SMYD3: variants seen among roughly 807,000 people sequenced by gnomAD.
SMYD3 encodes SET and MYND domain containing 3.
In SMYD3, 36 loss-of-function variants were observed where a neutral mutation model predicts 57.7. That is an observed-to-expected ratio of 0.62 (90% CI 0.48 to 0.82). The LOEUF is 0.82. SMYD3 is among the 40% of genes least tolerant of loss of function. The pLI, the probability that SMYD3 is intolerant of heterozygous loss-of-function variation, is 0.00. For synonymous variants in SMYD3, 211 were observed against 195.0 expected, an observed-to-expected ratio of 1.08 and a Z score of -0.68; for missense variants, 515 against 538.8, an observed-to-expected ratio of 0.96 and a Z score of 0.44.
chr1:245,983,690 C>T (rs1394941926), intron 5 of SMYD3, among the ~76,000 whole-genome samples: 1 of 152,146 alleles, frequency 6.6e-6, no homozygotes, highest in Non-Finnish European at 1.5e-5. Context: ...CAGCCATCTC[C>T]TGAAAGTATC....
chr1:245,925,907 T>C (rs542170698), intron 7 of SMYD3, among the ~76,000 whole-genome samples: 3 of 152,250 alleles, frequency 2.0e-5, no homozygotes, highest in South Asian at 2.1e-4. Flanking sequence ...AGAGATGTGA[T>C]TGAAAGGGTA....
chr1:246,192,139 C>T (rs1291191419), intron 5 of SMYD3, among the ~76,000 whole-genome samples: 2 of 152,140 alleles, frequency 1.3e-5, no homozygotes, highest in African/African-American at 4.8e-5. Flanking sequence ...CACTCTGTCA[C>T]CCAGGCTGGA....
chr1:246,398,847 G>A (rs1428945054), intron 1 of SMYD3, among the ~76,000 whole-genome samples: 1 of 152,092 alleles, frequency 6.6e-6, no homozygotes, highest in Non-Finnish European at 1.5e-5. Flanking sequence ...TCTGACAAGA[G>A]CTATATAAAA....
intron 5 of SMYD3, among the ~76,000 whole-genome samples, chr1:246,227,933 A>C (rs183981029): frequency 1.3e-5 from 2 of 149,418 alleles, no homozygotes; most frequent in Non-Finnish European, 1.5e-5. Flanking sequence ...TTTACCTAAC[A>C]CCACATTTCC....
chr1:246,294,391 AG>A (rs1324729362), intron 5 of SMYD3, among the ~76,000 whole-genome samples: 2 of 152,174 alleles, frequency 1.3e-5, no homozygotes, highest in Non-Finnish European at 2.9e-5. Flanking sequence ...AGTCTTACTG[AG>A]GGCTGACTAC....
chr1:246,104,483 A>G (rs1321356899), intron 5 of SMYD3, among the ~76,000 whole-genome samples: 2 of 152,230 alleles, frequency 1.3e-5, no homozygotes, highest in Non-Finnish European at 2.9e-5. Context: ...CGGCTGATCC[A>G]TCAAAATGCA....
chr1:245,864,135 A>C (rs1311423270), intron 8 of SMYD3, among the ~76,000 whole-genome samples: 2 of 152,210 alleles, frequency 1.3e-5, no homozygotes, highest in Non-Finnish European at 2.9e-5. Context: ...GGAAACCCTC[A>C]TACACTGCAC....
At chr1:245,786,562 C>T (rs898870866) in intron 10 of SMYD3, among the ~76,000 whole-genome samples, 8 of 152,030 alleles carry the variant, frequency 5.3e-5, no homozygotes, top group Non-Finnish European at 8.8e-5. Flanking sequence ...CAGTCATGTA[C>T]GTTGTTAACT....
At chr1:245,931,899 G>A (rs2056745864) in intron 5 of SMYD3, among the ~76,000 whole-genome samples, 2 of 152,084 alleles carry the variant, frequency 1.3e-5, no homozygotes, top group African/African-American at 4.8e-5. Context: ...TTCAAATCAG[G>A]AGCAAAATTA....
chr1:245,799,613 C>T (rs1327248487), intron 10 of SMYD3, among the ~76,000 whole-genome samples: 7 of 152,152 alleles, frequency 4.6e-5, no homozygotes, highest in African/African-American at 7.2e-5. Flanking sequence ...TAAAGTGTAA[C>T]GAATGTTAGT....
Position 245,860,536 on chromosome 1 carries a change from A to C in SMYD3, c.902-1866T>G, listed in dbSNP as rs544465491. Among the ~76,000 whole-genome samples the C allele has an allele frequency of 3.9e-5, 6 of 152,312 alleles. No individual in the cohort carries two copies. In the South Asian group the frequency reaches 1.2e-3, roughly 32 times the overall value. ...TCCAAAAGATGAGTTCCTTGATGAG[A>C]ATTTAAAGCACCCCAATGCACAGCT... On this transcript the variant is annotated intron_variant, in intron 9 of 11. Transcript: ENST00000490107.
intron 5 of SMYD3, among the ~76,000 whole-genome samples, chr1:246,065,913 AC>A (rs1416908352): frequency 6.6e-6 from 1 of 152,168 alleles, no homozygotes; most frequent in Non-Finnish European, 1.5e-5. Flanking sequence ...CTAACATGAG[AC>A]TTTTTTCTTC....
intron 8 of SMYD3, among the ~76,000 whole-genome samples, chr1:245,873,010 T>A (rs1415778912): frequency 6.6e-6 from 1 of 152,188 alleles, no homozygotes; most frequent in Non-Finnish European, 1.5e-5. Flanking sequence ...TATTTGCTTA[T>A]ATAAAATCAA....
At chr1:246,215,513 C>T (rs1286450727) in intron 5 of SMYD3, among the ~76,000 whole-genome samples, 9 of 152,060 alleles carry the variant, frequency 5.9e-5, no homozygotes, top group Admixed American at 2.0e-4. Context: ...TTCTTCAAGT[C>T]TTAAGCCCTA....
intron 10 of SMYD3, among the ~76,000 whole-genome samples, chr1:245,782,007 AAG>A (rs138820074): frequency 0.011 from 1,717 of 152,220 alleles, 39 homozygotes; most frequent in African/African-American, 0.039. Context: ...TTTTTTAAAA[AAG>A]AAACTATGTC....
chr1:246,286,804 C>A (rs1281429606), intron 5 of SMYD3, among the ~76,000 whole-genome samples: 2 of 151,718 alleles, frequency 1.3e-5, no homozygotes, highest in African/African-American at 4.8e-5. Context: ...CTCCATTGAC[C>A]ATCATTATAA....
intron 5 of SMYD3, among the ~76,000 whole-genome samples, chr1:246,028,521 T>C (rs1283472128): frequency 1.3e-5 from 2 of 152,122 alleles, no homozygotes; most frequent in African/African-American, 4.8e-5. Context: ...AATAAATTTA[T>C]TGAAGGAGGA....
At chr1:245,955,123 G>A (rs765870236) in intron 5 of SMYD3, among the ~76,000 whole-genome samples, 15 of 151,996 alleles carry the variant, frequency 9.9e-5, no homozygotes, top group South Asian at 2.1e-4. Context: ...TTTGAGTCTC[G>A]CTCTGTCGCC....
intron 8 of SMYD3, among the ~76,000 whole-genome samples, chr1:245,880,576 G>A (rs1377863104): frequency 2.0e-5 from 3 of 152,172 alleles, no homozygotes; most frequent in Non-Finnish European, 4.4e-5. Flanking sequence ...TCATTTCAAC[G>A]AAGTATCAGG....
Sources: allele counts gnomAD v4.1 joint callset (sites outside exome capture counted in the v4.1 genomes callset), GRCh38; gene constraint gnomAD v4.1.1; transcripts MANE v1.5; gene names NCBI Gene and HGNC (gene_info 2026-07-23, HGNC 2026-07-21).